Variants in MDN1 observed in about 807,000 individuals in gnomAD.
The protein encoded by MDN1 is midasin.
A neutral mutation model predicts 669.2 loss-of-function variants in MDN1; 266 were observed. The ratio of observed to expected loss-of-function variants is 0.40; its 90% CI spans 0.36 to 0.44. MDN1 has a LOEUF of 0.44. MDN1 is among the 20% of genes least tolerant of loss of function. The pLI is 1.00. For missense variants in MDN1, 5,940 were observed against 6,754.0 expected (o/e 0.88, Z 4.22); for synonymous variants, 2,385 against 2,457.1 (o/e 0.97, Z 0.87).
At chr6:89,723,761 C>A (rs1414305991) in intron 38 of MDN1, 142 bp from the exon 39 acceptor site, 7 of 483,970 alleles carry the variant, frequency 1.4e-5, no homozygotes, top group Non-Finnish European at 2.1e-5. Flanking sequence ...ATAGAAATTT[C>A]TTTTTTTGTG....
At chr6:89,812,980 G>C (rs1400248118) in intron 1 of MDN1, among the ~76,000 whole-genome samples, 2 of 150,008 alleles carry the variant, frequency 1.3e-5, no homozygotes, top group African/African-American at 4.9e-5. Context: ...CATTGTTGTT[G>C]CCCAGGCTGG....
chr6:89,712,210 G>T lies in MDN1; in HGVS notation c.7477C>A (p.Pro2493Thr). Reference protein sequence around the residue: ...LQDLEKIMQSPSPENLKFNAV... With the variant: ...LQDLEKIMQSTSPENLKFNAV... ...TTGAATTTCAGGTTCTCAGGGCTGG[G>T]GGACTGCATAATTTTCTCTAAGTCT... is the stretch of plus-strand genomic sequence containing the variant. Residue 2493 changes from proline (P) to threonine (T), a missense_variant, in exon 49 of 102, where the codon CCC becomes ACC. Pro to Thr is a conservative substitution (Grantham distance 38). This residue lies in a region of MDN1 where 2,292 missense variants were observed against 2,638.3 expected (regional missense o/e 0.87). Coordinates refer to ENST00000369393, the MANE Select transcript of MDN1 (RefSeq NM_014611.3). 1 of 1,614,022 alleles carries T rather than the reference G, an allele frequency of 6.2e-7. No individual in the cohort carries two copies. Among genetic ancestry groups the T allele is most frequent in the Non-Finnish European group, 8.5e-7 (1 of 1,179,986 alleles).
Position 89,674,511 on chromosome 6 carries a change from C to A in MDN1, c.12840G>T (p.Gln4280His). 9 of 1,610,358 alleles carry A rather than the reference C, an allele frequency of 5.6e-6. No individual in the cohort carries two copies. The highest frequency in any genetic ancestry group is 7.6e-6 in the Non-Finnish European group (9 of 1,179,774). ...GCTCTGTCCACTGCTGCACGCCATC[C>A]TGAGGGGGGAAGGCCACGGGGTAGG... ...PQAYPVAFPP[Q>H]DGVQQWTERL... Residue 4280 changes from glutamine to histidine, a missense_variant, in exon 79 of 102, where the codon CAG becomes CAT. By Grantham distance (24) the Gln-to-His change is conservative. Coordinates refer to ENST00000369393, the MANE Select transcript of MDN1 (RefSeq NM_014611.3).
At chr6:89,678,814 T>A in intron 74 of MDN1, 69 bp from the exon 75 acceptor site, 1 of 1,510,314 alleles carries the variant, frequency 6.6e-7, no homozygotes, top group Non-Finnish European at 8.9e-7. Flanking sequence ...ATGTGTTTGT[T>A]ACCCAACACC....
At chr6:89,648,355 T>C (rs1348730398) in intron 97 of MDN1, 26 bp from the exon 98 acceptor site, 2 of 1,603,996 alleles carry the variant, frequency 1.2e-6, no homozygotes, top group East Asian at 4.5e-5. Context: ...TTAATGATTT[T>C]AGGAATCAGA....
rs1450601659 is a variant in MDN1, at chr6:89,650,130, C to T, written c.16100G>A (p.Arg5367Gln). The T allele has an allele frequency of 1.1e-5, 18 of 1,613,990 alleles. No individual in the cohort carries two copies. The highest frequency in any genetic ancestry group is 5.3e-5 in the African/African-American group (4 of 74,908). The change falls in exon 97 of 102, where the codon CGG becomes CAG. Residue 5367 changes from arginine to glutamine, a missense_variant. Around this residue, in one of 5 missense-constraint regions of MDN1, gnomAD observed 2,280 missense variants for 2,576.3 expected, o/e 0.88. Transcript: ENST00000369393. ...KVIPYIASQF[R>Q]KDKIWLRRTK... is the part of the protein sequence containing the mutation. ...CCTTCGAAGCCAAATCTTGTCTTTC[C>T]GAAATTGACTAGCAATGTATGGAAT...
intron 100 of MDN1, among the ~76,000 whole-genome samples, chr6:89,646,098 A>G (rs1055942883): frequency 2.0e-5 from 3 of 152,202 alleles, no homozygotes; most frequent in African/African-American, 7.2e-5. Flanking sequence ...ACCCGCATAC[A>G]TGAAAAGTTG....
At chr6:89,660,916 A>G (rs1383942240) in intron 88 of MDN1, among the ~76,000 whole-genome samples, 1 of 152,184 alleles carries the variant, frequency 6.6e-6, no homozygotes, top group Non-Finnish European at 1.5e-5. Context: ...AACACTCCCT[A>G]AAGGATTCAC....
chr6:89,784,303 C>T (rs1444958491), intron 9 of MDN1, among the ~76,000 whole-genome samples: 3 of 151,274 alleles, frequency 2.0e-5, no homozygotes, highest in Admixed American at 1.3e-4. Context: ...GCAACAAGAG[C>T]GAAACTGTTT....
Position 89,655,844 on chromosome 6 carries a change from T to G in MDN1, c.15410A>C (p.Gln5137Pro). 1 of 1,614,128 alleles carries G rather than the reference T, an allele frequency of 6.2e-7. No individual in the cohort carries two copies. Among genetic ancestry groups the G allele is most frequent in the East Asian group, 2.2e-5 (1 of 44,886 alleles). Reference protein sequence around the residue: ...DSHAEQGPAQQPQAQVEDADA... With the variant: ...DSHAEQGPAQPPQAQVEDADA... The stretch of plus-strand genomic sequence containing the variant: ...TGCATCCTCCACCTGGGCCTGGGGC[T>G]GCTGAGCTGGCCCCTGCTCGGCATG... Residue 5137 changes from glutamine (Q) to proline (P), a missense_variant, in exon 92 of 102, where the codon CAG becomes CCG. Around this residue, in one of 5 missense-constraint regions of MDN1, gnomAD observed 2,280 missense variants for 2,576.3 expected, o/e 0.88. Coordinates refer to ENST00000369393, the MANE Select transcript of MDN1 (RefSeq NM_014611.3).
chr6:89,804,897 G>A (rs1009430833), intron 1 of MDN1, among the ~76,000 whole-genome samples: 3 of 151,998 alleles, frequency 2.0e-5, no homozygotes, highest in East Asian at 1.9e-4. Context: ...TTAGCTGGGC[G>A]AGGTGGCAGG....
rs1812558908 is a variant in MDN1 at position 89,694,095 on chromosome 6, C to G, written c.9860G>C (p.Ser3287Thr). Residue 3287 changes from serine (S) to threonine (T), a missense_variant, in exon 62 of 102, where the codon AGC becomes ACC. Ser to Thr is a moderately conservative substitution (Grantham distance 58). Coordinates refer to ENST00000369393, the MANE Select transcript of MDN1 (RefSeq NM_014611.3). ...TTACCTGACGTGAGGATGAGAGTAG[C>G]TGACAACGACTTCATCTTCCAGGTC... The part of the protein sequence containing the change: ...GRDLEDEVVV[S>T]YSHPHVRLLR... The G allele has an allele frequency of 6.2e-7, 1 of 1,614,148 alleles. No homozygotes were observed. Among genetic ancestry groups the G allele is most frequent in the Non-Finnish European group, 8.5e-7 (1 of 1,180,008 alleles).
intron 27 of MDN1, among the ~76,000 whole-genome samples, chr6:89,746,315 T>G (rs978578851): frequency 3.3e-5 from 5 of 152,258 alleles, no homozygotes; most frequent in South Asian, 2.1e-4. Context: ...CCGGGCATGG[T>G]GGCTCATGCT....
At chr6:89,672,513 C>G (rs911874271) in intron 81 of MDN1, 34 bp downstream of exon 81, 1 of 1,601,334 alleles carries the variant, frequency 6.2e-7, no homozygotes, top group East Asian at 2.2e-5. Context: ...TTAAATCAGG[C>G]ATGAAACTAA....
rs759235545 is a variant in MDN1, at chr6:89,716,761, G to A, written c.6632C>T (p.Thr2211Met). 33 of 1,613,382 alleles carry A rather than the reference G, an allele frequency of 2.0e-5. No individual in the cohort carries two copies. The highest frequency in any genetic ancestry group is 2.6e-5 in the Non-Finnish European group (31 of 1,179,768). Residue 2211 changes from threonine (T) to methionine (M), a missense_variant, in exon 44 of 102, where the codon ACG (threonine) becomes ATG (methionine). Transcript: ENST00000369393. ...EEFRSFGVKL[T>M]QLASGHSHGT... ...ATGGCTATGGCCACTGGCCAACTGC[G>A]TAAGCTTCACACCAAAGCTTCGGAA...
chr6:89,787,426 C>A (rs931533616), intron 8 of MDN1, among the ~76,000 whole-genome samples: 1 of 152,172 alleles, frequency 6.6e-6, no homozygotes, highest in African/African-American at 2.4e-5. Flanking sequence ...TAGCCATTAA[C>A]TGGGCATTTA....
intron 84 of MDN1, 65 bp downstream of exon 84, chr6:89,667,949 T>G: frequency 6.3e-7 from 1 of 1,576,954 alleles, no homozygotes; most frequent in Non-Finnish European, 8.6e-7. Flanking sequence ...TTTTTATGTG[T>G]AACTTACATG....
Position 89,683,118 on chromosome 6 carries a change from C to T in MDN1, c.12102+14G>A, listed in dbSNP as rs1330722502. The stretch of plus-strand genomic sequence containing the variant: ...GGCTTGGGAATAAGCCAGCACTGTC[C>T]CACAACCAAGTACCTGCCCAGCTGC... On this transcript the variant is annotated intron_variant, in intron 73 of 101. Transcript: ENST00000369393. 22 of 1,613,518 alleles carry T rather than the reference C, an allele frequency of 1.4e-5. No homozygotes were observed. Among genetic ancestry groups the T allele is most frequent in the Non-Finnish European group, 5.9e-6 (7 of 1,179,904 alleles).
intron 95 of MDN1, 54 bp downstream of exon 95, chr6:89,652,134 GAACA>G: frequency 7.0e-7 from 1 of 1,436,760 alleles, no homozygotes. Context: ...GCTATATGTT[GAACA>G]AACAAAAAAA....
Sources: allele counts gnomAD v4.1 joint callset (sites outside exome capture counted in the v4.1 genomes callset), GRCh38; gene constraint gnomAD v4.1.1; regional missense constraint gnomAD v4.1.1; transcripts MANE v1.5; gene names NCBI Gene and HGNC (gene_info 2026-07-23, HGNC 2026-07-21).